Variants in EYA2 observed in about 807,000 individuals in gnomAD.
EYA2 encodes EYA transcriptional coactivator and phosphatase 2.
In EYA2, 31 loss-of-function variants were observed where a neutral mutation model predicts 69.2. The ratio of observed to expected loss-of-function variants is 0.45; its 90% confidence interval spans 0.34 to 0.60. The LOEUF (loss-of-function observed/expected upper bound fraction) is 0.60, where lower values mean the gene tolerates loss of function less well. Ranked by LOEUF, EYA2 falls within the 20% of genes least tolerant of loss-of-function variation. The pLI is 0.02. For missense variants in EYA2, 622 were observed against 701.2 expected (o/e 0.89, Z 1.28); for synonymous variants, 257 against 279.4 (o/e 0.92, Z 0.80).
intron 15 of EYA2, among the ~76,000 whole-genome samples, chr20:47,183,871 A>AGTCCTGGGTCTGGATCTGTCAAC (rs1157795517): frequency 1.3e-5 from 2 of 152,140 alleles, no homozygotes; most frequent in African/African-American, 4.8e-5. Context: ...CAGCTGCCAA[A>AGTCCTGGGTCTGGATCTGTCAAC]GTCCTGGGTC....
At chr20:47,010,628 C>CAAA (rs11086189) in intron 4 of EYA2, among the ~76,000 whole-genome samples, 1 of 146,702 alleles carries the variant, frequency 6.8e-6, no homozygotes. Context: ...AATCCTGTCT[C>CAAA]AAAAAAAAAA....
intron 5 of EYA2, among the ~76,000 whole-genome samples, chr20:47,021,186 A>G (rs942842772): frequency 2.6e-5 from 4 of 152,190 alleles, no homozygotes; most frequent in Non-Finnish European, 5.9e-5. Context: ...TTGATGGGCC[A>G]TGTTCTTTCC....
At chr20:46,927,206 T>C (rs1568670170) in intron 1 of EYA2, among the ~76,000 whole-genome samples, 2 of 152,306 alleles carry the variant, frequency 1.3e-5, no homozygotes, top group Admixed American at 1.3e-4. Context: ...TGTGCTTACA[T>C]TGGAAATCAC....
At chr20:47,155,647 G>T (rs149071275) in intron 10 of EYA2, among the ~76,000 whole-genome samples, 1 of 151,850 alleles carries the variant, frequency 6.6e-6, no homozygotes, top group African/African-American at 2.4e-5. Flanking sequence ...CCATCTCACC[G>T]CATCCTCACA....
chr20:46,963,405 C>T (rs933962488), intron 1 of EYA2, among the ~76,000 whole-genome samples: 15 of 152,314 alleles, frequency 9.8e-5, no homozygotes, highest in South Asian at 4.1e-4. Context: ...TGCCAGGCAC[C>T]GTGCCAAGCC....
chr20:47,153,222 G>T (rs2033857969), intron 10 of EYA2, among the ~76,000 whole-genome samples: 2 of 151,958 alleles, frequency 1.3e-5, no homozygotes, highest in African/African-American at 4.8e-5. Context: ...AAACCACTTT[G>T]TTAAATGTAT....
At chr20:47,075,118 T>A (rs961078697) in intron 7 of EYA2, among the ~76,000 whole-genome samples, 1 of 152,184 alleles carries the variant, frequency 6.6e-6, no homozygotes, top group Admixed American at 6.5e-5. Context: ...TCTCAAAAAA[T>A]TAAATAAATA....
chr20:46,912,170 T>G (rs1372965270), intron 1 of EYA2, among the ~76,000 whole-genome samples: 6 of 152,210 alleles, frequency 3.9e-5, no homozygotes, highest in Non-Finnish European at 7.3e-5. Flanking sequence ...ATGTCTCTTA[T>G]GTCTCCTCCA....
At chr20:47,103,386 G>A (rs1317734208) in intron 9 of EYA2, among the ~76,000 whole-genome samples, 1 of 152,152 alleles carries the variant, frequency 6.6e-6, no homozygotes, top group African/African-American at 2.4e-5. Context: ...GTTGTAGCAT[G>A]TATCAGTACT....
At chr20:46,899,251 A>T (rs1983972360) in intron 1 of EYA2, among the ~76,000 whole-genome samples, 1 of 152,176 alleles carries the variant, frequency 6.6e-6, no homozygotes, top group Non-Finnish European at 1.5e-5. Flanking sequence ...TTTCCTTTGG[A>T]GGAAGATGCT....
chr20:46,976,534 C>T (rs1396929685), intron 1 of EYA2, among the ~76,000 whole-genome samples: 4 of 152,108 alleles, frequency 2.6e-5, no homozygotes, highest in Non-Finnish European at 5.9e-5. Flanking sequence ...TACAGGTGCC[C>T]GCCACCACGC....
rs201587643 is a variant in EYA2 at position 47,005,019 on chromosome 20, T to C, written c.233T>C (p.Ile78Thr). 34 of 1,613,962 alleles carry C rather than the reference T, an allele frequency of 2.1e-5. No individual in the cohort carries two copies. The highest frequency in any genetic ancestry group is 2.7e-5 in the Non-Finnish European group (32 of 1,179,946). ...AYGQTQYSAGIQQATPYTAYP... is the reference protein window; with the variant it reads ...AYGQTQYSAGTQQATPYTAYP... ...GGCCAGACGCAGTACAGTGCGGGGATCCAGCAGGCTACCCCCTATACAGCT... is the reference window on the plus strand; with the variant it reads ...GGCCAGACGCAGTACAGTGCGGGGACCCAGCAGGCTACCCCCTATACAGCT... Residue 78 changes from isoleucine (I) to threonine (T), a missense_variant, in exon 4 of 16, where the codon ATC becomes ACC. Physicochemically the swap from Ile to Thr is moderately conservative, Grantham distance 89. Transcript: ENST00000327619.
intron 1 of EYA2, among the ~76,000 whole-genome samples, chr20:46,970,624 A>G (rs1980080286): frequency 6.6e-6 from 1 of 152,178 alleles, no homozygotes; most frequent in African/African-American, 2.4e-5. Flanking sequence ...CTGGATGTAC[A>G]TTGGTGGGGG....
chr20:46,916,406 G>A (rs1422403409), intron 1 of EYA2, among the ~76,000 whole-genome samples: 1 of 122,992 alleles, frequency 8.1e-6, no homozygotes, highest in Non-Finnish European at 1.9e-5. Context: ...GAATGTGGGT[G>A]AGTGTGTCAG....
chr20:47,026,148 T>G (rs1041245750), intron 5 of EYA2, among the ~76,000 whole-genome samples: 1 of 152,150 alleles, frequency 6.6e-6, no homozygotes, highest in Non-Finnish European at 1.5e-5. Flanking sequence ...ACCCACACAT[T>G]TAGTACGTGG....
intron 9 of EYA2, among the ~76,000 whole-genome samples, chr20:47,112,367 G>A (rs554982775): frequency 1.3e-5 from 2 of 152,272 alleles, no homozygotes; most frequent in Admixed American, 1.3e-4. Context: ...TGGTGACAAA[G>A]GGGGCATGAG....
chr20:46,929,348 A>G (rs7261750), intron 1 of EYA2, among the ~76,000 whole-genome samples: 6 of 151,674 alleles, frequency 4.0e-5, no homozygotes, highest in Admixed American at 1.3e-4. Context: ...GCACAGGGCT[A>G]TTGATGGATG....
intron 4 of EYA2, among the ~76,000 whole-genome samples, chr20:47,011,114 A>T (rs1305318882): frequency 6.6e-6 from 1 of 152,180 alleles, no homozygotes; most frequent in Non-Finnish European, 1.5e-5. Flanking sequence ...ACATGAAATG[A>T]ATCATTATAT....
chr20:47,090,055 C>T (rs1241613569), intron 8 of EYA2, among the ~76,000 whole-genome samples: 1 of 152,028 alleles, frequency 6.6e-6, no homozygotes, highest in Non-Finnish European at 1.5e-5. Flanking sequence ...TCAACCTGGA[C>T]TGCACACGAC....
Sources: allele counts gnomAD v4.1 joint callset (sites outside exome capture counted in the v4.1 genomes callset), GRCh38; gene constraint gnomAD v4.1.1; transcripts MANE v1.5; gene names NCBI Gene and HGNC (gene_info 2026-07-23, HGNC 2026-07-21).